The following DNAH5 variants were observed in gnomAD, a reference collection of about 807,000 sequenced individuals.
DNAH5 encodes axonemal beta dynein heavy chain 5.
In DNAH5, 372 loss-of-function variants were observed where a neutral mutation model predicts 518.2. That is an observed-to-expected ratio of 0.72 (90% CI 0.66 to 0.78). The LOEUF is 0.78. Ranked by LOEUF, DNAH5 falls within the 30% of genes least tolerant of loss-of-function variation. The pLI, the probability that DNAH5 is intolerant of heterozygous loss-of-function variation, is 0.00. For synonymous variants in DNAH5, 2,039 were observed against 2,025.9 expected (o/e 1.01, Z -0.17); for missense variants, 5,523 against 5,687.0 (o/e 0.97, Z 0.93).
chr5:13,740,379 C>T lies in DNAH5; in HGVS notation c.11212-2884G>A, dbSNP rs189519328. Among the ~76,000 whole-genome samples the T allele has an allele frequency of 1.3e-3, 197 of 152,268 alleles. 1 individual carries two copies. The highest frequency in any genetic ancestry group is 2.4e-3 in the Non-Finnish European group (160 of 68,020). On this transcript the variant is annotated intron_variant, in intron 65 of 78. Transcript: ENST00000265104. ...AACCCTCCAGTGGCCAATCTTTCCA[C>T]TCAGAGTGAAAGGTAAAGACCTTAC...
intron 40 of DNAH5, among the ~76,000 whole-genome samples, chr5:13,821,353 G>A (rs1167045978): frequency 6.6e-6 from 1 of 152,152 alleles, no homozygotes; most frequent in Non-Finnish European, 1.5e-5. Flanking sequence ...ATTTCAAACT[G>A]TCTTTATATG....
intron 35 of DNAH5, among the ~76,000 whole-genome samples, chr5:13,834,255 A>T (rs1257860347): frequency 6.6e-6 from 1 of 152,232 alleles, no homozygotes; most frequent in East Asian, 1.9e-4. Context: ...ATACAAGACA[A>T]TGAACACAGT....
chr5:13,991,541 G>GGGGGAGGAGGAA (rs1671241134), intron 1 of DNAH5, among the ~76,000 whole-genome samples: 1 of 148,648 alleles, frequency 6.7e-6, no homozygotes, highest in Non-Finnish European at 1.5e-5. Flanking sequence ...GGGGAGGGGA[G>GGGGGAGGAGGAA]GGGGAGGAGG....
In DNAH5 at chr5:13,708,192, G is replaced by A. The variant is rs769984486; in HGVS notation, c.13269C>T (p.Ile4423=). The change falls in exon 76 of 79, where the codon ATC becomes ATT. Residue 4423 remains isoleucine, a synonymous_variant. Coordinates refer to ENST00000265104, the MANE Select transcript of DNAH5 (RefSeq NM_001369.3). ...ELKLAIDGTI[I]MSENLRDALD... ...ATGCATCTCGCAGATTTTCGCTCAT[G>A]ATGATGGTGCCATCAATAGCAAGTT... 2 of 1,614,064 alleles carry A rather than the reference G, an allele frequency of 1.2e-6. No homozygotes were observed. The highest frequency in any genetic ancestry group is 2.7e-5 in the African/African-American group (2 of 74,932).
At chr5:13,965,457 A>G (rs79036075) in intron 1 of DNAH5, among the ~76,000 whole-genome samples, 3,349 of 152,368 alleles carry the variant, frequency 0.022, 49 homozygotes, top group South Asian at 0.058. Flanking sequence ...CTTAAAAAAC[A>G]GTAAGTTTCT....
At chr5:13,913,548 C>T (rs1776275369) in intron 11 of DNAH5, among the ~76,000 whole-genome samples, 195 bp downstream of exon 11, 1 of 152,012 alleles carries the variant, frequency 6.6e-6, no homozygotes, top group Admixed American at 6.6e-5. Flanking sequence ...TAACCACACA[C>T]CTGAAAAGAA....
In DNAH5 at chr5:13,840,918, G is replaced by T. The variant is rs1765065544; in HGVS notation, c.5697C>A (p.Ile1899=). 1 of 1,613,802 alleles carries T rather than the reference G, an allele frequency of 6.2e-7. No homozygotes were observed. The part of the protein sequence containing the change: ...LITIHVHQRD[I]FDDLCHMHIK... ...ATAAAGAATTTACCAGGTCATCAAAGATATCCCTTTGGTGCACATGAATAG... is the reference window on the plus strand; with the variant it reads ...ATAAAGAATTTACCAGGTCATCAAATATATCCCTTTGGTGCACATGAATAG... The change falls in exon 34 of 79, where the codon ATC becomes ATA. Residue 1899 remains isoleucine (I), a synonymous_variant. Coordinates refer to ENST00000265104, the MANE Select transcript of DNAH5 (RefSeq NM_001369.3).
intron 61 of DNAH5, among the ~76,000 whole-genome samples, chr5:13,757,522 G>C (rs1751173965): frequency 6.6e-6 from 1 of 151,950 alleles, no homozygotes; most frequent in South Asian, 2.1e-4. Context: ...AGTGTCTGTT[G>C]TAAAGAAAGC....
At chr5:13,764,885 A>T (rs1561201106) in intron 59 of DNAH5, among the ~76,000 whole-genome samples, 1 of 152,354 alleles carries the variant, frequency 6.6e-6, no homozygotes, top group East Asian at 1.9e-4. Context: ...ATGATTGTTA[A>T]ATTTCCAAGA....
intron 47 of DNAH5, among the ~76,000 whole-genome samples, chr5:13,795,116 C>T (rs991898524): frequency 1.3e-5 from 2 of 152,086 alleles, no homozygotes; most frequent in Non-Finnish European, 2.9e-5. Context: ...CCAAAATTGA[C>T]ACCCTAACAT....
chr5:14,002,685 G>C (rs1784446012), intron 1 of DNAH5, among the ~76,000 whole-genome samples: 1 of 151,952 alleles, frequency 6.6e-6, no homozygotes, highest in African/African-American at 2.4e-5. Context: ...TTTTTGTTTA[G>C]CAGATCAAAA....
At chr5:13,796,272 A>C (rs1757803984) in intron 47 of DNAH5, among the ~76,000 whole-genome samples, 1 of 152,224 alleles carries the variant, frequency 6.6e-6, no homozygotes, top group Admixed American at 6.5e-5. Flanking sequence ...CCCTGTTTGC[A>C]GATGACATGG....
intron 1 of DNAH5, among the ~76,000 whole-genome samples, chr5:13,954,649 T>G (rs1372815782): frequency 6.6e-6 from 1 of 152,216 alleles, no homozygotes; most frequent in Non-Finnish European, 1.5e-5. Flanking sequence ...TCTCTCTGCT[T>G]CTCCACTTTC....
At chr5:13,839,630 T>A (rs1764894153) in intron 34 of DNAH5, 102 bp from the exon 35 acceptor site, 2 of 1,073,148 alleles carry the variant, frequency 1.9e-6, no homozygotes, top group Non-Finnish European at 1.4e-6. Flanking sequence ...TAAATGAAAC[T>A]CACAGACAAC....
chr5:13,957,637 T>C (rs16902970), intron 1 of DNAH5, among the ~76,000 whole-genome samples: 7,440 of 151,846 alleles, frequency 0.049, 226 homozygotes, highest in African/African-American at 0.089. Context: ...GCAAAAACTT[T>C]TATCTCAATC....
chr5:13,958,870 T>A (rs562990580), intron 1 of DNAH5, among the ~76,000 whole-genome samples: 92 of 152,336 alleles, frequency 6.0e-4, no homozygotes, highest in African/African-American at 2.1e-3. Flanking sequence ...TAATGCATTT[T>A]AAAGAGAAGT....
At chr5:13,809,322 T>A in intron 45 of DNAH5, 136 bp from the exon 46 acceptor site, 2 of 1,081,296 alleles carry the variant, frequency 1.8e-6, no homozygotes, top group Non-Finnish European at 2.8e-6. Flanking sequence ...AAATTAGAGA[T>A]CTAAGTACAC....
intron 22 of DNAH5, among the ~76,000 whole-genome samples, chr5:13,874,549 G>A (rs939943689): frequency 3.3e-5 from 5 of 151,616 alleles, no homozygotes; most frequent in South Asian, 4.2e-4. Flanking sequence ...ACAAAGTCCC[G>A]CTCTGTCACC....
chr5:14,004,688 C>T (rs1209788036), intron 1 of DNAH5, among the ~76,000 whole-genome samples: 1 of 152,164 alleles, frequency 6.6e-6, no homozygotes, highest in Non-Finnish European at 1.5e-5. Context: ...GGAAACTGCA[C>T]ATGTATGTAG....
Sources: allele counts gnomAD v4.1 joint callset (sites outside exome capture counted in the v4.1 genomes callset), GRCh38; gene constraint gnomAD v4.1.1; transcripts MANE v1.5; gene names NCBI Gene and HGNC (gene_info 2026-07-23, HGNC 2026-07-21).